TPCN1: variants seen among roughly 807,000 people sequenced by gnomAD.
TPCN1 encodes two pore channel protein 1.
A neutral mutation model predicts 108.8 loss-of-function variants in TPCN1; 52 were observed. That is an observed-to-expected ratio of 0.48 (90% CI 0.38 to 0.60). TPCN1 has a LOEUF of 0.60. Among genes scored for constraint, TPCN1 ranks in the 20% least tolerant of loss-of-function variants. TPCN1 has a pLI of 0.00. For synonymous variants in TPCN1, 446 were observed against 433.7 expected (o/e 1.03, Z -0.35); for missense variants, 806 against 1,072.8 (o/e 0.75, Z 3.47).
intron 2 of TPCN1, among the ~76,000 whole-genome samples, chr12:113,250,258 C>T (rs1954581193): frequency 6.6e-6 from 1 of 152,246 alleles, no homozygotes; most frequent in Admixed American, 6.5e-5. Context: ...GATTGTGGCA[C>T]TGCCAGCTCT....
chr12:113,226,888 C>T lies in TPCN1; in HGVS notation c.36C>T (p.Ile12=), dbSNP rs776840221. The T allele has an allele frequency of 6.2e-7, 1 of 1,614,138 alleles. No homozygotes were observed. The highest frequency in any genetic ancestry group is 1.1e-5 in the South Asian group (1 of 91,078). ...AVSLDDDVPL[I]LTLDEGGSAP... is the part of the protein sequence containing the mutation. The stretch of plus-strand genomic sequence containing the variant: ...GTTTGGATGACGACGTGCCGCTCAT[C>T]CTGACCTTGGATGAGGGTGGCAGTG... The change falls in exon 2 of 28, where the codon ATC becomes ATT. Residue 12 remains isoleucine (I), a synonymous_variant. Coordinates refer to ENST00000335509, the MANE Select transcript of TPCN1 (RefSeq NM_017901.6).
chr12:113,275,636 G>C (rs59151286), intron 10 of TPCN1, among the ~76,000 whole-genome samples: 2 of 148,780 alleles, frequency 1.3e-5, no homozygotes. Flanking sequence ...GCAGTGGCGC[G>C]ATCTCGGCTC....
In TPCN1 at chr12:113,293,076, G is replaced by A; in HGVS notation, c.2253+3G>A. 6.2e-7 allele frequency: 1 copy of A among 1,610,822 alleles called. No homozygotes were observed. The highest frequency in any genetic ancestry group is 8.5e-7 in the Non-Finnish European group (1 of 1,178,640). On this transcript the variant is annotated splice_donor_region_variant and intron_variant, in intron 26 of 27. Coordinates refer to ENST00000335509, the MANE Select transcript of TPCN1 (RefSeq NM_017901.6). The stretch of plus-strand genomic sequence containing the variant: ...TCTCCCAGATGGAGAGATACCAGGT[G>A]AGGAGCCCAGGCCCTGGTCCGAAGG...
rs995853345 is a variant in TPCN1, at chr12:113,273,781, T to C, written c.942+113T>C. 19 of 907,248 alleles carry C rather than the reference T, an allele frequency of 2.1e-5. No individual in the cohort carries two copies. Among genetic ancestry groups the C allele is most frequent in the Non-Finnish European group, 3.1e-5 (17 of 549,096 alleles). The allele number at this position is 907,248 out of a possible 1,614,324, so 56.2% of individuals were successfully genotyped here. The stretch of plus-strand genomic sequence containing the variant: ...GTCTTCTGCCTCTCAGGGCAGAACG[T>C]TGGGGCAGGAAGTCCCAGATTCATA... On this transcript the variant is annotated intron_variant, in intron 10 of 27. Coordinates refer to ENST00000335509, the MANE Select transcript of TPCN1 (RefSeq NM_017901.6). The surrounding 1 kb of genome is among the most constrained non-coding windows in gnomAD (Gnocchi z 4.0).
At position 113,288,788 on chromosome 12, in the gene TPCN1, C is replaced by T. The variant is rs1268961054; in HGVS notation, c.1737C>T (p.Tyr579=). The change falls in exon 21 of 28, where the codon TAC becomes TAT. Residue 579 remains tyrosine, a synonymous_variant. Coordinates refer to ENST00000335509, the MANE Select transcript of TPCN1 (RefSeq NM_017901.6). This position sits in a 1 kb window ranked among gnomAD's most constrained non-coding sequence, Gnocchi z 4.8. ...SLGLTLLIFY[Y]SFAIVGMEFF... is the part of the protein sequence containing the mutation. ...GCCTCACCCTGCTCATCTTTTACTA[C>T]TCCTTCGCCATCGTGGGCATGGAGT... 6.8e-6 allele frequency: 11 copies of T among 1,613,268 alleles called. No individual in the cohort carries two copies. The highest frequency in any genetic ancestry group is 6.8e-6 in the Non-Finnish European group (8 of 1,180,034).
rs537768800 is a variant in TPCN1 at position 113,245,425 on chromosome 12, G to A, written c.113-14943G>A. Among the ~76,000 whole-genome samples, 95 of 130,266 alleles carry A rather than the reference G, an allele frequency of 7.3e-4. 16 individuals are homozygous for A. In the East Asian group the frequency reaches 0.023, roughly 32 times the overall value. The allele number at this position is 130,266 out of a possible 152,430, so 85.5% of individuals were successfully genotyped here. A position where few individuals can be genotyped will look rare whatever the true frequency, so the allele number is the denominator to read the frequency against. On this transcript the variant is annotated intron_variant, in intron 2 of 27. Coordinates refer to ENST00000335509, the MANE Select transcript of TPCN1 (RefSeq NM_017901.6). ...ATCCTGGCTAACACGGTGAAACCCCGTCTCTACTAAAAAAAAATACAAAAA... is the reference window on the plus strand; with the variant it reads ...ATCCTGGCTAACACGGTGAAACCCCATCTCTACTAAAAAAAAATACAAAAA...
intron 3 of TPCN1, among the ~76,000 whole-genome samples, chr12:113,263,846 A>G (rs1955140859): frequency 6.6e-6 from 1 of 152,116 alleles, no homozygotes; most frequent in African/African-American, 2.4e-5. Context: ...ATTTTTCCAA[A>G]TCTAGTTTAT....
Position 113,231,755 on chromosome 12 carries a change from A to G in TPCN1, c.112+4791A>G, listed in dbSNP as rs1400743190. ...TCTAAGTGCGGCTGCTGCAGTGCTA[A>G]TGAATGACTCACAGGCAGCATGGTG... On this transcript the variant is annotated intron_variant, in intron 2 of 27. Transcript: ENST00000335509. This position sits in a 1 kb window ranked among gnomAD's most constrained non-coding sequence, Gnocchi z 4.3. 6.6e-6 allele frequency among the ~76,000 whole-genome samples: 1 copy of G among 152,184 alleles called. No homozygotes were observed. Among genetic ancestry groups the G allele is most frequent in the Non-Finnish European group, 1.5e-5 (1 of 68,034 alleles).
rs1036783999 is a variant in TPCN1 at position 113,284,020 on chromosome 12, G to A, written c.1343-561G>A. 7.9e-5 allele frequency among the ~76,000 whole-genome samples: 12 copies of A among 152,122 alleles called. No individual in the cohort carries two copies. The highest frequency in any genetic ancestry group is 3.9e-4 in the East Asian group (2 of 5,188). ...AAGTATGCCAGTTTATGAATGTATC[G>A]TAGTCTGTTCAACCAGTCCCCTACT... On this transcript the variant is annotated intron_variant, in intron 15 of 27. Transcript: ENST00000335509. The surrounding 1 kb of genome is among the most constrained non-coding windows in gnomAD (Gnocchi z 4.1).
chr12:113,288,277 G>T lies in TPCN1; in HGVS notation c.1706+43G>T, dbSNP rs758930507. ...CCTGGCCTGCAGGTCCAGGTGCCGTGTGGCAGTGCCCCGTGGGGGCGGGAG... is the reference window on the plus strand; with the variant it reads ...CCTGGCCTGCAGGTCCAGGTGCCGTTTGGCAGTGCCCCGTGGGGGCGGGAG... On this transcript the variant is annotated intron_variant, in intron 20 of 27. Coordinates refer to ENST00000335509, the MANE Select transcript of TPCN1 (RefSeq NM_017901.6). The surrounding 1 kb of genome is among the most constrained non-coding windows in gnomAD (Gnocchi z 4.8). 6.2e-7 allele frequency: 1 copy of T among 1,612,744 alleles called. No individual in the cohort carries two copies. The highest frequency in any genetic ancestry group is 8.5e-7 in the Non-Finnish European group (1 of 1,179,638).
Position 113,276,971 on chromosome 12 carries a change from A to G in TPCN1, c.995A>G (p.Lys332Arg), listed in dbSNP as rs760507745. The G allele has an allele frequency of 9.3e-6, 15 of 1,613,974 alleles. No homozygotes were observed. The highest frequency in any genetic ancestry group is 3.3e-4 in the Middle Eastern group (2 of 6,078). The change falls in exon 11 of 28, where the codon AAG becomes AGG. Residue 332 changes from lysine (K) to arginine (R), a missense_variant. Lys to Arg is a conservative substitution (Grantham distance 26). Transcript: ENST00000335509. The part of the protein sequence containing the change: ...TFNDIEKRKF[K>R]SLLLHKRTAI... ...AATGACATTGAGAAACGCAAGTTCA[A>G]GTCTTTGCTACTGCACAAGCGAACC...
rs188248073 is a variant in TPCN1, at chr12:113,260,215, C to G, written c.113-153C>G. The G allele has an allele frequency of 1.7e-3, 1,356 of 789,714 alleles. 23 individuals are homozygous for G. The highest frequency in any genetic ancestry group is 2.1e-4 in the Non-Finnish European group (115 of 546,640). 48.9% of individuals were successfully genotyped at this position (789,714 alleles called of 1,614,324 possible). A position where few individuals can be genotyped will look rare whatever the true frequency, so the allele number is the denominator to read the frequency against. On this transcript the variant is annotated intron_variant, in intron 2 of 27. Coordinates refer to ENST00000335509, the MANE Select transcript of TPCN1 (RefSeq NM_017901.6). The stretch of plus-strand genomic sequence containing the variant: ...TTGTAACCAGCTGTGCTAATTCTTG[C>G]CATTATCAGTACACAGCATGGAGGT...
intron 7 of TPCN1, among the ~76,000 whole-genome samples, chr12:113,270,822 C>T (rs1015312361): frequency 1.3e-4 from 20 of 152,106 alleles, no homozygotes; most frequent in Non-Finnish European, 2.9e-4. Context: ...TTCGGGAGGA[C>T]GTCACACTCA....
chr12:113,288,900 T>C lies in TPCN1; in HGVS notation c.1796+53T>C, dbSNP rs566736750. On this transcript the variant is annotated intron_variant, in intron 21 of 27. Coordinates refer to ENST00000335509, the MANE Select transcript of TPCN1 (RefSeq NM_017901.6). This position sits in a 1 kb window ranked among gnomAD's most constrained non-coding sequence, Gnocchi z 4.8. The stretch of plus-strand genomic sequence containing the variant: ...AGCCTGCATTTCCCGGGCAGAGGGC[T>C]GGCCAGGGCCAGGATTGGTGTCCTT... The C allele has an allele frequency of 3.8e-4, 599 of 1,576,894 alleles. 2 individuals are homozygous for C. The highest frequency in any genetic ancestry group is 1.8e-3 in the Middle Eastern group (11 of 5,970).
chr12:113,254,275 A>G (rs1954756904), intron 2 of TPCN1, among the ~76,000 whole-genome samples: 1 of 152,230 alleles, frequency 6.6e-6, no homozygotes, highest in African/African-American at 2.4e-5. Context: ...CCAATTTGAC[A>G]CAAATTCTTC....
chr12:113,290,299 C>G, intron 22 of TPCN1, 56 bp downstream of exon 22: 1 of 1,231,592 alleles, frequency 8.1e-7, no homozygotes. Flanking sequence ...CCTTGTCACC[C>G]TTGTCACCAC....
At chr12:113,265,224 C>A (rs548116852) in intron 3 of TPCN1, among the ~76,000 whole-genome samples, 17 of 152,286 alleles carry the variant, frequency 1.1e-4, no homozygotes, top group African/African-American at 4.1e-4. Flanking sequence ...ATAGCAAATA[C>A]CTGTAGTGAG....
chr12:113,236,938 G>A (rs1953921707), intron 2 of TPCN1, among the ~76,000 whole-genome samples: 1 of 152,190 alleles, frequency 6.6e-6, no homozygotes, highest in Admixed American at 6.5e-5. Context: ...AGCATTGGGT[G>A]GATGTCAGCC....
rs148466216 is a variant in TPCN1, at chr12:113,231,949, C to T, written c.112+4985C>T. Among the ~76,000 whole-genome samples the T allele has an allele frequency of 2.6e-4, 39 of 152,312 alleles. No individual in the cohort carries two copies. The East Asian group carries it at 5.4e-3, about 21-fold the overall frequency. Reference sequence around the variant, plus strand: ...ACCCACCACATTCAGGGAATCAGGACGAGTCTGAATGTAGTGGGCAGTCCA... The same window carrying T: ...ACCCACCACATTCAGGGAATCAGGATGAGTCTGAATGTAGTGGGCAGTCCA... On this transcript the variant is annotated intron_variant, in intron 2 of 27. Coordinates refer to ENST00000335509, the MANE Select transcript of TPCN1 (RefSeq NM_017901.6). The surrounding 1 kb of genome is among the most constrained non-coding windows in gnomAD (Gnocchi z 4.3).
Sources: allele counts gnomAD v4.1 joint callset (sites outside exome capture counted in the v4.1 genomes callset), GRCh38; gene constraint gnomAD v4.1.1; non-coding constraint Gnocchi (gnomAD v3.1); transcripts MANE v1.5; gene names NCBI Gene and HGNC (gene_info 2026-07-23, HGNC 2026-07-21).